The following RGS6 variants were observed in gnomAD, a reference collection of about 807,000 sequenced individuals.
The protein encoded by RGS6 is regulator of G protein signaling 6.
In RGS6, 30 loss-of-function variants were observed where a neutral mutation model predicts 78.5. The ratio of observed to expected loss-of-function variants is 0.38; its 90% CI spans 0.29 to 0.52. The LOEUF (loss-of-function observed/expected upper bound fraction) is 0.52, where lower values mean the gene tolerates loss of function less well. Ranked by LOEUF, RGS6 falls within the 20% of genes least tolerant of loss-of-function variation. The probability of loss-of-function intolerance (pLI) is 0.85; values close to 1 mark genes in which losing one functional copy is unlikely to be tolerated. For missense variants in RGS6, 495 were observed against 609.7 expected (o/e 0.81, Z 1.98); for synonymous variants, 206 against 206.0 (o/e 1.00, Z 0.00).
chr14:72,190,939 T>A (rs182950117), intron 2 of RGS6, among the ~76,000 whole-genome samples: 36 of 152,338 alleles, frequency 2.4e-4, no homozygotes, highest in African/African-American at 8.7e-4. Context: ...CTACTGGGTA[T>A]CAGGTAGAAA....
chr14:72,275,464 T>C (rs1363490875), intron 2 of RGS6, among the ~76,000 whole-genome samples: 1 of 152,222 alleles, frequency 6.6e-6, no homozygotes. Flanking sequence ...TCATGGGCCA[T>C]TGGTTTCACA....
Position 72,235,317 on chromosome 14 carries a change from C to T in RGS6, c.85-116778C>T, listed in dbSNP as rs150695731. Among the ~76,000 whole-genome samples the T allele has an allele frequency of 3.7e-3, 566 of 152,248 alleles. 5 individuals are homozygous for T. Among genetic ancestry groups the T allele is most frequent in the African/African-American group, 0.013 (536 of 41,552 alleles). Reference sequence around the variant, plus strand: ...AGCCAAAATGAAAATCAGACAAAAACTCAGGGCATGTTCTGGGGGTCCTTG... The same window carrying T: ...AGCCAAAATGAAAATCAGACAAAAATTCAGGGCATGTTCTGGGGGTCCTTG... On this transcript the variant is annotated intron_variant, in intron 2 of 17. Coordinates refer to ENST00000553525, the MANE Select transcript of RGS6 (RefSeq NM_001204424.2).
At chr14:72,267,242 C>A (rs1323985267) in intron 2 of RGS6, among the ~76,000 whole-genome samples, 1 of 152,198 alleles carries the variant, frequency 6.6e-6, no homozygotes, top group Non-Finnish European at 1.5e-5. Context: ...TGAGCCACTG[C>A]ACCCAGCCAA....
chr14:72,419,883 G>A (rs80077282), intron 3 of RGS6, among the ~76,000 whole-genome samples: 2,031 of 152,304 alleles, frequency 0.013, 50 homozygotes, highest in African/African-American at 0.046. Flanking sequence ...GCAGTGGAAC[G>A]GGAAGAAGGA....
chr14:72,093,336 G>A (rs1412233573), intron 2 of RGS6, among the ~76,000 whole-genome samples: 7 of 152,042 alleles, frequency 4.6e-5, no homozygotes, highest in Non-Finnish European at 1.0e-4. Flanking sequence ...CTACCTCCCC[G>A]GGCTCAAGTG....
intron 2 of RGS6, among the ~76,000 whole-genome samples, chr14:71,974,609 T>C (rs2094005764): frequency 6.6e-6 from 1 of 152,218 alleles, no homozygotes; most frequent in South Asian, 2.1e-4. Flanking sequence ...GCTACTGACA[T>C]TCTAGGGTAT....
rs181561713 is a variant in RGS6, at chr14:72,536,593, G to T, written c.1368+318G>T. 3.7e-3 allele frequency among the ~76,000 whole-genome samples: 566 copies of T among 152,180 alleles called. 5 individuals are homozygous for T. Among genetic ancestry groups the T allele is most frequent in the African/African-American group, 0.013 (537 of 41,498 alleles). On this transcript the variant is annotated intron_variant, in intron 16 of 17. Coordinates refer to ENST00000553525, the MANE Select transcript of RGS6 (RefSeq NM_001204424.2). ...GGCTCAGCATAGGAGTGCAGGGCTGGCAGTAACACCAGCAAAACCCTTAGG... is the reference window on the plus strand; with the variant it reads ...GGCTCAGCATAGGAGTGCAGGGCTGTCAGTAACACCAGCAAAACCCTTAGG...
At chr14:72,312,542 C>T (rs972002655) in intron 2 of RGS6, among the ~76,000 whole-genome samples, 2 of 152,172 alleles carry the variant, frequency 1.3e-5, no homozygotes, top group African/African-American at 4.8e-5. Context: ...GTGTCCAGAT[C>T]TTCTTGGGAA....
intron 2 of RGS6, among the ~76,000 whole-genome samples, chr14:72,312,284 A>G (rs1403473184): frequency 7.1e-6 from 1 of 140,810 alleles, no homozygotes; most frequent in East Asian, 2.2e-4. Flanking sequence ...ATTGCTCTGT[A>G]ACTTTGAGAT....
the RGS6 span, among the ~76,000 whole-genome samples, chr14:72,580,583 C>T: frequency 6.6e-6 from 1 of 152,184 alleles, no homozygotes; most frequent in Non-Finnish European, 1.5e-5. Context: ...AGGAAGGTGA[C>T]ACCTTTCAGA....
chr14:71,981,518 C>G (rs4899410), intron 2 of RGS6, among the ~76,000 whole-genome samples: 40 of 151,014 alleles, frequency 2.6e-4, no homozygotes, highest in South Asian at 8.4e-4. Flanking sequence ...AATACCCGGC[C>G]GTGTGAGGTG....
the RGS6 span, among the ~76,000 whole-genome samples, chr14:72,579,426 T>A: frequency 6.6e-6 from 1 of 152,172 alleles, no homozygotes; most frequent in Non-Finnish European, 1.5e-5. Context: ...ATAATAAAGC[T>A]TATCAGAATG....
At position 72,053,079 on chromosome 14, in the gene RGS6, C is replaced by CCCTCCCTTCTTT. The variant is rs2093415805; in HGVS notation, c.84+88207_84+88208insCCCTTCTTTCCT. 5.3e-4 allele frequency among the ~76,000 whole-genome samples: 9 copies of CCCTCCCTTCTTT among 17,028 alleles called. 1 individual carries two copies. The highest frequency in any genetic ancestry group is 2.7e-3 in the African/African-American group (8 of 2,956). 11.2% of individuals were successfully genotyped at this position (17,028 alleles called of 152,430 possible). Reference sequence around the variant, plus strand: ...TCCCTCCCTCCCTCCCTCCCTCCCTCCCTTCCTTCCTTCCTTCCTTCCTTC... The same window carrying CCCTCCCTTCTTT: ...TCCCTCCCTCCCTCCCTCCCTCCCTCCCTCCCTTCTTTCCTTCCTTCCTTCCTTCCTTCCTTC... On this transcript the variant is annotated intron_variant, in intron 2 of 17. Transcript: ENST00000553525.
intron 13 of RGS6, among the ~76,000 whole-genome samples, chr14:72,504,796 C>CA (rs1380721743): frequency 2.0e-5 from 3 of 151,264 alleles, no homozygotes; most frequent in Admixed American, 1.3e-4. Flanking sequence ...CTGTGTCACC[C>CA]AGGCTGGAGT....
At chr14:71,902,797 G>A in the RGS6 span, among the ~76,000 whole-genome samples, 2 of 152,146 alleles carry the variant, frequency 1.3e-5, no homozygotes, top group African/African-American at 2.4e-5. Context: ...AAATGAGGAA[G>A]AGATGAATTG....
Position 72,268,574 on chromosome 14 carries a change from G to A in RGS6, c.85-83521G>A, listed in dbSNP as rs113114974. ...GGATGTGGTTAGCACCATCTCTGCC[G>A]CATGTGACTTTTCAGTCATTTTCAC... On this transcript the variant is annotated intron_variant, in intron 2 of 17. Transcript: ENST00000553525. Among the ~76,000 whole-genome samples the A allele has an allele frequency of 9.5e-3, 1,449 of 152,220 alleles. 11 individuals carry two copies. Among genetic ancestry groups the A allele is most frequent in the South Asian group, 0.024 (116 of 4,820 alleles).
At chr14:72,306,380 G>A (rs1266593916) in intron 2 of RGS6, among the ~76,000 whole-genome samples, 1 of 152,166 alleles carries the variant, frequency 6.6e-6, no homozygotes, top group Non-Finnish European at 1.5e-5. Flanking sequence ...TATAGCCCTG[G>A]AGCAAAGAGT....
chr14:72,159,582 G>T (rs936405473), intron 2 of RGS6, among the ~76,000 whole-genome samples: 1 of 152,172 alleles, frequency 6.6e-6, no homozygotes, highest in Non-Finnish European at 1.5e-5. Context: ...TTCCTAGATC[G>T]TACTGGTGGA....
intron 2 of RGS6, among the ~76,000 whole-genome samples, chr14:72,278,839 C>T (rs575285051): frequency 6.6e-6 from 1 of 152,098 alleles, no homozygotes; most frequent in East Asian, 1.9e-4. Flanking sequence ...TTCTCTCATA[C>T]TTCCAGAGGC....
Sources: allele counts gnomAD v4.1 joint callset (sites outside exome capture counted in the v4.1 genomes callset), GRCh38; gene constraint gnomAD v4.1.1; transcripts MANE v1.5; gene names NCBI Gene and HGNC (gene_info 2026-07-23, HGNC 2026-07-21).